The following KNTC1 variants were observed in gnomAD, a reference collection of about 807,000 sequenced individuals.
KNTC1 encodes kinetochore-associated protein 1.
Under a neutral mutation model 314.4 loss-of-function variants are expected in KNTC1, and 253 were observed. The ratio of observed to expected loss-of-function variants is 0.80; its 90% CI spans 0.73 to 0.89. The LOEUF is 0.89. Among genes scored for constraint, KNTC1 ranks in the 40% least tolerant of loss-of-function variants. The probability of loss-of-function intolerance (pLI) is 0.00; values close to 1 mark genes in which losing one functional copy is unlikely to be tolerated. For missense variants in KNTC1, 2,475 were observed against 2,572.9 expected (o/e 0.96, Z 0.82); for synonymous variants, 901 against 901.4 (o/e 1.00, Z 0.01).
intron 33 of KNTC1, 48 bp from the exon 34 acceptor site, chr12:122,582,657 A>G: frequency 6.8e-7 from 1 of 1,474,086 alleles, no homozygotes; most frequent in East Asian, 2.3e-5. Context: ...TATTTTAAAC[A>G]ATAGATTAAA....
chr12:122,564,319 G>T (rs997032657), intron 20 of KNTC1, among the ~76,000 whole-genome samples: 6 of 152,018 alleles, frequency 3.9e-5, no homozygotes, highest in African/African-American at 1.2e-4. Flanking sequence ...CATTTCTGAT[G>T]ATAGCAACAA....
intron 18 of KNTC1, among the ~76,000 whole-genome samples, chr12:122,558,613 T>C (rs1020437989): frequency 5.3e-5 from 8 of 151,856 alleles, no homozygotes; most frequent in African/African-American, 1.9e-4. Flanking sequence ...GTGAGGTGTC[T>C]CATGCCTGTA....
chr12:122,574,216 G>T, intron 26 of KNTC1, 66 bp from the exon 27 acceptor site: 1 of 861,182 alleles, frequency 1.2e-6, no homozygotes. Context: ...GTATCTAGCT[G>T]TATGTGGCAT....
intron 44 of KNTC1, among the ~76,000 whole-genome samples, chr12:122,598,501 G>A (rs1381839839): frequency 7.2e-6 from 1 of 138,834 alleles, no homozygotes; most frequent in Non-Finnish European, 1.5e-5. Flanking sequence ...ACTCACTACA[G>A]CCTCTATGTC....
At chr12:122,578,850 G>C (rs1965201008) in intron 31 of KNTC1, among the ~76,000 whole-genome samples, 1 of 152,002 alleles carries the variant, frequency 6.6e-6, no homozygotes, top group Non-Finnish European at 1.5e-5. Context: ...TATGCAATAG[G>C]CATTAGGTTA....
At chr12:122,578,232 G>C (rs1045867200) in intron 31 of KNTC1, among the ~76,000 whole-genome samples, 1 of 152,024 alleles carries the variant, frequency 6.6e-6, no homozygotes, top group African/African-American at 2.4e-5. Context: ...GGTTTTTCCA[G>C]AATAGCTGGA....
At chr12:122,611,110 T>C in intron 53 of KNTC1, 1 of 561,868 alleles carries the variant, frequency 1.8e-6, no homozygotes, top group Non-Finnish European at 3.2e-6. Flanking sequence ...CTTAGCGTGC[T>C]GAATGGTGCA....
At chr12:122,551,168 T>G (rs948476273) in intron 13 of KNTC1, 151 bp from the exon 14 acceptor site, 2 of 489,528 alleles carry the variant, frequency 4.1e-6, no homozygotes, top group Non-Finnish European at 7.2e-6. Flanking sequence ...TCCTTAAATT[T>G]TTGTGGGTAC....
In KNTC1 at chr12:122,584,354, T is replaced by C. The variant is rs748544045; in HGVS notation, c.3340T>C (p.Leu1114=). 5.6e-6 allele frequency: 9 copies of C among 1,613,732 alleles called. No homozygotes were observed. Among genetic ancestry groups the C allele is most frequent in the Non-Finnish European group, 5.9e-6 (7 of 1,179,636 alleles). Residue 1114 remains leucine (L), a synonymous_variant, in exon 35 of 64, where the codon TTG becomes CTG. Transcript: ENST00000333479. ...GACATGTCAGAAGCTTTGTCAGATG[T>C]TGGCTGATAATGTCCCAGTGACAGT... ...FLTCQKLCQM[L]ADNVPVTVPV... is the part of the protein sequence containing the mutation.
intron 18 of KNTC1, among the ~76,000 whole-genome samples, chr12:122,559,341 A>G (rs1240763119): frequency 6.6e-6 from 1 of 152,016 alleles, no homozygotes; most frequent in Non-Finnish European, 1.5e-5. Context: ...CTCTGTCCCA[A>G]AAAAAATAAA....
chr12:122,623,627 CAA>C (rs1446571143), intron 62 of KNTC1, among the ~76,000 whole-genome samples: 2 of 152,174 alleles, frequency 1.3e-5, no homozygotes, highest in African/African-American at 4.8e-5. Context: ...TCACCACAAT[CAA>C]GAGAGTGAAC....
At chr12:122,614,346 C>G (rs78273934) in intron 55 of KNTC1, among the ~76,000 whole-genome samples, 1,565 of 152,210 alleles carry the variant, frequency 0.01, 32 homozygotes, top group Non-Finnish European at 0.01. Flanking sequence ...AGGAGACTGT[C>G]CGGTAGACAG....
chr12:122,530,100 A>G lies in KNTC1; in HGVS notation c.37A>G (p.Thr13Ala), dbSNP rs762674837. The G allele has an allele frequency of 4.3e-6, 7 of 1,613,686 alleles. No individual in the cohort carries two copies. In the South Asian group the frequency reaches 6.6e-5, roughly 15 times the overall value. ...NDIELLTNDD[T>A]GSGYLSVGSR... ...TATTGAGCTGCTAACAAATGATGAT[A>G]CCGGAAGTGGGTACCTGAGTGTCGG... Residue 13 changes from threonine (T) to alanine (A), a missense_variant, in exon 2 of 64, where the codon ACC becomes GCC. Coordinates refer to ENST00000333479, the MANE Select transcript of KNTC1 (RefSeq NM_014708.6).
Position 122,546,672 on chromosome 12 carries a change from G to A in KNTC1, c.814G>A (p.Asp272Asn), listed in dbSNP as rs1565941176. 1 of 1,562,188 alleles carries A rather than the reference G, an allele frequency of 6.4e-7. No individual in the cohort carries two copies. The highest frequency in any genetic ancestry group is 1.2e-5 in the South Asian group (1 of 86,412). The change falls in exon 10 of 64, where the codon GAT becomes AAT. Residue 272 changes from aspartate to asparagine, a missense_variant and splice_region_variant. Asp to Asn is a conservative substitution (Grantham distance 23). Transcript: ENST00000333479. ...IDNLLFVLDT[D>N]NVLSLWDIYT... ...CAATCTACTTTTTGTTCTTGATACT[G>A]ATGTATGTTTCTTGTTTCTCCTTCA...
rs751660163 is a variant in KNTC1 at position 122,585,698 on chromosome 12, A to G, written c.3597A>G (p.Glu1199=). 1 of 1,613,728 alleles carries G rather than the reference A, an allele frequency of 6.2e-7. No individual in the cohort carries two copies. The highest frequency in any genetic ancestry group is 8.5e-7 in the Non-Finnish European group (1 of 1,179,612). Residue 1199 remains glutamate, a synonymous_variant, in exon 37 of 64, where the codon GAA becomes GAG. Coordinates refer to ENST00000333479, the MANE Select transcript of KNTC1 (RefSeq NM_014708.6). Reference sequence around the variant, plus strand: ...GGTCTTACAGTGACTTCTTCAGTGAAGATGGAATTGTTCTTGAGTCACAGA... The same window carrying G: ...GGTCTTACAGTGACTTCTTCAGTGAGGATGGAATTGTTCTTGAGTCACAGA... ...EEWSYSDFFS[E]DGIVLESQMV...
intron 51 of KNTC1, among the ~76,000 whole-genome samples, chr12:122,607,086 CAG>C (rs1872655030): frequency 1.3e-5 from 2 of 152,086 alleles, no homozygotes; most frequent in Non-Finnish European, 2.9e-5. Flanking sequence ...TTTTTTGACA[CAG>C]AGTCTGGCTC....
chr12:122,614,064 C>T (rs1287935492), intron 55 of KNTC1, among the ~76,000 whole-genome samples: 1 of 152,140 alleles, frequency 6.6e-6, no homozygotes, highest in East Asian at 1.9e-4. Flanking sequence ...CTCCTGACCT[C>T]AGGTGATCCA....
rs1961641231 is a variant in KNTC1 at position 122,534,668 on chromosome 12, C to T, written c.134C>T (p.Ser45Leu). 2 of 1,606,830 alleles carry T rather than the reference C, an allele frequency of 1.2e-6. No homozygotes were observed. The highest frequency in any genetic ancestry group is 8.5e-7 in the Non-Finnish European group (1 of 1,175,896). Reference protein sequence around the residue: ...LLVKISSEKASLNPKIQACSL... With the variant: ...LLVKISSEKALLNPKIQACSL... ...TCATGCTTTTCTCTCCCACAGGCCTCATTAAATCCAAAGATACAGGCATGC... is the reference window on the plus strand; with the variant it reads ...TCATGCTTTTCTCTCCCACAGGCCTTATTAAATCCAAAGATACAGGCATGC... Residue 45 changes from serine to leucine, a missense_variant, in exon 3 of 64, where the codon TCA (serine) becomes TTA (leucine). Ser to Leu is a moderately radical substitution (Grantham distance 145). Coordinates refer to ENST00000333479, the MANE Select transcript of KNTC1 (RefSeq NM_014708.6).
rs533610004 is a variant in KNTC1, at chr12:122,576,128, C to T, written c.2586+229C>T. On this transcript the variant is annotated intron_variant, in intron 29 of 63. Transcript: ENST00000333479. The stretch of plus-strand genomic sequence containing the variant: ...AGGCTGGAGTGCAATGGCGCGATCT[C>T]GGCTCACCACAACCTCCGCCTTCTG... 2.8e-3 allele frequency among the ~76,000 whole-genome samples: 423 copies of T among 152,266 alleles called. 1 individual carries two copies. Among genetic ancestry groups the T allele is most frequent in the African/African-American group, 9.3e-3 (386 of 41,552 alleles).
Sources: gnomAD v4.1 joint callset for allele counts (sites outside exome capture counted in the v4.1 genomes callset) on GRCh38, gnomAD v4.1.1 for gene constraint, MANE v1.5 for transcripts, NCBI Gene and HGNC (gene_info 2026-07-23, HGNC 2026-07-21) for gene names.